SLC5A6: variants seen among roughly 807,000 people sequenced by gnomAD.
The protein encoded by SLC5A6 is sodium-dependent multivitamin transporter.
In SLC5A6, 31 loss-of-function variants were observed where a neutral mutation model predicts 67.9. The observed-to-expected ratio is 0.46, with a 90% confidence interval of 0.34 to 0.62. The LOEUF (loss-of-function observed/expected upper bound fraction) is 0.62, where lower values mean the gene tolerates loss of function less well. SLC5A6 is among the 20% of genes least tolerant of loss of function. SLC5A6 has a pLI of 0.01. For synonymous variants in SLC5A6, 343 were observed against 331.0 expected (o/e 1.04, Z -0.39); for missense variants, 673 against 812.8 (o/e 0.83, Z 2.09).
rs1204427732 is a variant in SLC5A6 at position 27,204,536 on chromosome 2, G to A, written c.930C>T (p.Leu310=). 1 of 1,613,976 alleles carries A rather than the reference G, an allele frequency of 6.2e-7. No individual in the cohort carries two copies. Among genetic ancestry groups the A allele is most frequent in the African/African-American group, 1.3e-5 (1 of 74,914 alleles). The stretch of plus-strand genomic sequence containing the variant: ...AATACGCGAACATGACCAGGCCAAT[G>A]AGGCAGCCCACGCAGAGGGACACCT... ...FQQVSLCVGC[L]IGLVMFAYYQ... Residue 310 remains leucine, a synonymous_variant, in exon 9 of 17, where the codon CTC becomes CTT. Transcript: ENST00000310574.
In SLC5A6 at chr2:27,206,540, G is replaced by C; in HGVS notation, c.460-6C>G. ...ACAACTCCCATGTAGATCACCTGTT[G>C]CATGTGGAAAAAATGTGATGGGGGC... On this transcript the variant is annotated splice_region_variant and splice_polypyrimidine_tract_variant and intron_variant, in intron 4 of 16. Transcript: ENST00000310574. The C allele has an allele frequency of 3.1e-6, 5 of 1,613,836 alleles. No individual in the cohort carries two copies. The highest frequency in any genetic ancestry group is 4.2e-6 in the Non-Finnish European group (5 of 1,179,760).
chr2:27,208,727 A>C (rs1483034194), intron 2 of SLC5A6: 1 of 152,842 alleles, frequency 6.5e-6, no homozygotes, highest in Non-Finnish European at 1.5e-5. Context: ...GGTGAAGCTC[A>C]GCAGTCATTT....
At chr2:27,212,626 C>CA (rs1674629510), upstream of SLC5A6, 2 of 1,414,514 alleles carry the variant, frequency 1.4e-6, no homozygotes, top group East Asian at 5.5e-5. Flanking sequence ...CCCAAGTACT[C>CA]ACGTCGTGCA....
At chr2:27,205,259 AC>A in intron 7 of SLC5A6, 90 bp downstream of exon 7, 1 of 1,323,604 alleles carries the variant, frequency 7.6e-7, no homozygotes, top group Non-Finnish European at 1.0e-6. Flanking sequence ...TTCCCAGTTT[AC>A]CTTCTGCTTA....
chr2:27,203,931 A>G, intron 9 of SLC5A6, 64 bp from the exon 10 acceptor site: 1 of 1,227,772 alleles, frequency 8.1e-7, no homozygotes, highest in Non-Finnish European at 1.2e-6. Context: ...CCGGCTCTGC[A>G]GGGAAGCTCC....
intron 7 of SLC5A6, 185 bp downstream of exon 7, chr2:27,205,165 C>T (rs1041444531): frequency 5.6e-6 from 4 of 717,756 alleles, no homozygotes; most frequent in South Asian, 3.8e-5. Context: ...TGTCCTGACT[C>T]TCTATAAACA....
In SLC5A6 at chr2:27,211,538, G is replaced by T. The variant is rs113423577; in HGVS notation, c.-207-5C>A. On this transcript the variant is annotated splice_polypyrimidine_tract_variant and splice_region_variant and intron_variant, in intron 1 of 16. Coordinates refer to ENST00000310574, the MANE Select transcript of SLC5A6 (RefSeq NM_021095.4). ...GATCAACATCGCTCCCTTTTCCTGG[G>T]AAGGCAAAGAAAATGAGTTAGGGAA... The T allele has an allele frequency of 2.6e-5, 4 of 152,630 alleles. No individual in the cohort carries two copies. The highest frequency in any genetic ancestry group is 9.6e-5 in the African/African-American group (4 of 41,588). 9.5% of individuals were successfully genotyped at this position (152,630 alleles called of 1,614,324 possible). A position where few individuals can be genotyped will look rare whatever the true frequency, so the allele number is the denominator to read the frequency against.
intron 9 of SLC5A6, 108 bp from the exon 10 acceptor site, chr2:27,203,975 G>A (rs1673849595): frequency 1.9e-5 from 15 of 778,238 alleles, no homozygotes; most frequent in South Asian, 1.3e-4. Context: ...TACCGAGACT[G>A]GGTGCATTAC....
Position 27,205,610 on chromosome 2 carries a change from T to C in SLC5A6, c.580-106A>G. The C allele has an allele frequency of 2.8e-6, 4 of 1,429,850 alleles. No individual in the cohort carries two copies. The Admixed American group carries it at 5.7e-5, about 20-fold the overall frequency. 88.6% of individuals were successfully genotyped at this position (1,429,850 alleles called of 1,614,324 possible). A position where few individuals can be genotyped will look rare whatever the true frequency, so the allele number is the denominator to read the frequency against. ...CATTTTGTTTTGTTTTGTTTTGTTT[T>C]AGGCTTTTTGCAGCCTGAAGCCAGT... On this transcript the variant is annotated intron_variant, in intron 6 of 16. Transcript: ENST00000310574.
At chr2:27,202,427 G>A (rs1165191519) in intron 12 of SLC5A6, among the ~76,000 whole-genome samples, 2 of 146,458 alleles carry the variant, frequency 1.4e-5, no homozygotes, top group Admixed American at 1.4e-4. Context: ...TCACTTGAAT[G>A]TGGGAGGTGG....
chr2:27,205,838 T>C (rs949879222), intron 6 of SLC5A6, among the ~76,000 whole-genome samples, 188 bp downstream of exon 6: 1 of 152,204 alleles, frequency 6.6e-6, no homozygotes, highest in African/African-American at 2.4e-5. Flanking sequence ...GTTGACATCA[T>C]TCCCATCCCA....
At chr2:27,212,693 C>T (rs1335823148), upstream of SLC5A6, 10 of 1,326,302 alleles carry the variant, frequency 7.5e-6, no homozygotes, top group Admixed American at 2.1e-4. Flanking sequence ...TTGATTTCGC[C>T]CCTTAATTTT....
chr2:27,204,752 C>A, intron 8 of SLC5A6, 39 bp downstream of exon 8: 4 of 1,613,688 alleles, frequency 2.5e-6, no homozygotes, highest in Non-Finnish European at 3.4e-6. Flanking sequence ...ACCCCTTCCC[C>A]TAGACCTTGC....
chr2:27,202,761 A>G (rs370299643), intron 12 of SLC5A6, 52 bp downstream of exon 12: 33 of 1,501,650 alleles, frequency 2.2e-5, no homozygotes, highest in Non-Finnish European at 2.9e-5. Context: ...TTCCTGTTTC[A>G]ATCAATTCCT....
rs1572391582 is a variant in SLC5A6, at chr2:27,205,354, A to C, written c.730T>G (p.Phe244Val). 1 of 1,614,098 alleles carries C rather than the reference A, an allele frequency of 6.2e-7. No individual in the cohort carries two copies. The highest frequency in any genetic ancestry group is 2.2e-5 in the East Asian group (1 of 44,872). ...VASQHGRISG[F>V]ELDPDPFVRH... ...CAGGAGTAGGGGTATACTTACTCAA[A>C]CCCAGAGATGCGGCCGTGCTGGGAA... Residue 244 changes from phenylalanine to valine, a missense_variant, in exon 7 of 17, where the codon TTT becomes GTT. Transcript: ENST00000310574.
rs545087071 is a variant in SLC5A6, at chr2:27,203,166, T to G, written c.1207+67A>C. On this transcript the variant is annotated intron_variant, in intron 11 of 16. Coordinates refer to ENST00000310574, the MANE Select transcript of SLC5A6 (RefSeq NM_021095.4). ...ATAAAGTGGGTGTTTTACAGCAAAC[T>G]GATGACAATGGTCAGGATGAAGCTT... The G allele has an allele frequency of 3.7e-6, 6 of 1,601,012 alleles. No individual in the cohort carries two copies. In the South Asian group the frequency reaches 6.7e-5, roughly 18 times the overall value.
chr2:27,206,734 T>C (rs982389545), intron 4 of SLC5A6, 143 bp downstream of exon 4: 2 of 873,260 alleles, frequency 2.3e-6, no homozygotes, highest in African/African-American at 3.3e-5. Context: ...AGGATGCCTC[T>C]GGGGTCCTCA....
intron 7 of SLC5A6, 114 bp from the exon 8 acceptor site, chr2:27,205,045 G>C: frequency 7.9e-7 from 1 of 1,259,456 alleles, no homozygotes; most frequent in Non-Finnish European, 1.1e-6. Flanking sequence ...CTAGGGCCAA[G>C]GGGGACACTG....
intron 2 of SLC5A6, among the ~76,000 whole-genome samples, chr2:27,210,071 A>G (rs1674355174): frequency 6.6e-6 from 1 of 152,198 alleles, no homozygotes; most frequent in Non-Finnish European, 1.5e-5. Flanking sequence ...AGAACTAACT[A>G]TAGGGTTAGT....
Sources: gnomAD v4.1 joint callset for allele counts (sites outside exome capture counted in the v4.1 genomes callset) on GRCh38, gnomAD v4.1.1 for gene constraint, MANE v1.5 for transcripts, NCBI Gene and HGNC (gene_info 2026-07-23, HGNC 2026-07-21) for gene names.